Variants in RANBP2 observed in about 807,000 individuals in gnomAD.
RANBP2 encodes the protein E3 SUMO-protein ligase RanBP2.
A neutral mutation model predicts 303.6 loss-of-function variants in RANBP2; 57 were observed. That is an observed-to-expected ratio of 0.19 (90% confidence interval 0.15 to 0.23). The LOEUF (loss-of-function observed/expected upper bound fraction) is 0.23, where lower values mean the gene tolerates loss of function less well. Ranked by LOEUF, RANBP2 falls within the 10% of genes least tolerant of loss-of-function variation. The pLI, the probability that RANBP2 is intolerant of heterozygous loss-of-function variation, is 1.00. For synonymous variants in RANBP2, 1,167 were observed against 1,301.5 expected (o/e 0.90, Z 2.23); for missense variants, 3,138 against 3,780.8 (o/e 0.83, Z 4.46).
the RANBP2 span, among the ~76,000 whole-genome samples, chr2:109,626,029 T>A: frequency 6.6e-6 from 1 of 152,214 alleles, no homozygotes; most frequent in African/African-American, 2.4e-5. Context: ...TATATTTGTC[T>A]ACTACATTTT....
the RANBP2 span, among the ~76,000 whole-genome samples, chr2:109,487,923 C>T: frequency 0.14 from 21,907 of 152,294 alleles, 2,064 homozygotes; most frequent in Admixed American, 0.27. Context: ...GACCCCTGTA[C>T]TTCCAAAGCT....
At chr2:109,247,945 G>T in the RANBP2 span, among the ~76,000 whole-genome samples, 1 of 152,140 alleles carries the variant, frequency 6.6e-6, no homozygotes, top group Admixed American at 6.6e-5. Flanking sequence ...ACTCCAACGT[G>T]CAAGCGCTTT....
chr2:109,405,034 C>G, the RANBP2 span, among the ~76,000 whole-genome samples: 1 of 149,618 alleles, frequency 6.7e-6, no homozygotes, highest in Non-Finnish European at 1.5e-5. Flanking sequence ...CCCTACATCT[C>G]TAGCCCCTAC....
At chr2:109,306,837 G>A in the RANBP2 span, among the ~76,000 whole-genome samples, 2 of 152,212 alleles carry the variant, frequency 1.3e-5, no homozygotes, top group Non-Finnish European at 2.9e-5. Context: ...TCTGGTCGAC[G>A]TGTATGTTGA....
At chr2:108,948,632 TG>T in the RANBP2 span, among the ~76,000 whole-genome samples, 469 of 149,558 alleles carry the variant, frequency 3.1e-3, 2 homozygotes, top group African/African-American at 0.011. Flanking sequence ...AGAGAGAGAG[TG>T]AAGTGGGGAG....
At chr2:108,719,886 C>T (rs1290787337) in intron 1 of RANBP2, among the ~76,000 whole-genome samples, 1 of 152,046 alleles carries the variant, frequency 6.6e-6, no homozygotes, top group Non-Finnish European at 1.5e-5. Context: ...CCTTTGGCGC[C>T]GGCGCTTCCT....
the RANBP2 span, chr2:108,930,242 C>A: frequency 8.1e-6 from 13 of 1,614,102 alleles, no homozygotes; most frequent in South Asian, 7.7e-5. Context: ...ATCAGAGACA[C>A]CTGCCAACAA....
the RANBP2 span, among the ~76,000 whole-genome samples, chr2:109,119,267 C>T: frequency 6.6e-6 from 1 of 152,152 alleles, no homozygotes; most frequent in Non-Finnish European, 1.5e-5. Flanking sequence ...ATTCACAATC[C>T]ATATCTCTCT....
the RANBP2 span, among the ~76,000 whole-genome samples, chr2:109,041,685 CTTTTTTTTTTTT>C: frequency 8.5e-5 from 7 of 82,056 alleles, no homozygotes; most frequent in African/African-American, 2.8e-4. Context: ...CCATGCCCGG[CTTTTTTTTTTTT>C]TTTTTTTTTT....
chr2:108,939,679 G>A, the RANBP2 span, among the ~76,000 whole-genome samples: 2 of 152,204 alleles, frequency 1.3e-5, no homozygotes, highest in Admixed American at 6.5e-5. Context: ...AGCAATAGAT[G>A]AATGAGTTAT....
At chr2:109,074,650 A>C in the RANBP2 span, among the ~76,000 whole-genome samples, 1 of 150,306 alleles carries the variant, frequency 6.7e-6, no homozygotes, top group African/African-American at 2.4e-5. Context: ...CAGTGAGCCA[A>C]GATCACACCG....
the RANBP2 span, among the ~76,000 whole-genome samples, chr2:109,582,510 CGAG>C: frequency 6.6e-6 from 1 of 151,958 alleles, no homozygotes; most frequent in Non-Finnish European, 1.5e-5. Flanking sequence ...TTTGTAGAGA[CGAG>C]GTCCCACCAT....
the RANBP2 span, among the ~76,000 whole-genome samples, chr2:108,805,570 A>AG: frequency 1.4e-3 from 9 of 6,634 alleles, no homozygotes; most frequent in South Asian, 0.039. Context: ...CCAAAAATAC[A>AG]AAAAAAAATA....
At chr2:109,607,763 C>T in the RANBP2 span, among the ~76,000 whole-genome samples, 1 of 152,094 alleles carries the variant, frequency 6.6e-6, no homozygotes, top group African/African-American at 2.4e-5. Flanking sequence ...CCCAACCTGC[C>T]CTAAATCAAA....
chr2:109,317,399 T>C, the RANBP2 span, among the ~76,000 whole-genome samples: 4 of 152,062 alleles, frequency 2.6e-5, no homozygotes, highest in South Asian at 4.2e-4. Context: ...TGGGGCTCTT[T>C]TTCCCTGTTA....
chr2:108,922,519 C>T, the RANBP2 span, among the ~76,000 whole-genome samples: 1 of 152,214 alleles, frequency 6.6e-6, no homozygotes, highest in Admixed American at 6.5e-5. Context: ...GATGCTGCGC[C>T]CCATTCCTGC....
chr2:109,528,263 A>G, the RANBP2 span, among the ~76,000 whole-genome samples: 7,252 of 152,234 alleles, frequency 0.048, 575 homozygotes, highest in African/African-American at 0.16. Context: ...TGCCCTGAGT[A>G]CACGCTCCAT....
chr2:109,159,078 C>T, the RANBP2 span, among the ~76,000 whole-genome samples: 19 of 152,326 alleles, frequency 1.2e-4, no homozygotes, highest in Admixed American at 1.0e-3. Context: ...GATCGCACCA[C>T]TGCACTCCAG....
the RANBP2 span, among the ~76,000 whole-genome samples, chr2:109,718,421 G>A: frequency 6.6e-6 from 1 of 152,178 alleles, no homozygotes; most frequent in Non-Finnish European, 1.5e-5. Flanking sequence ...CTACAACATG[G>A]ATGAACTTAG....
Sources: allele counts gnomAD v4.1 joint callset (sites outside exome capture counted in the v4.1 genomes callset), GRCh38; gene constraint gnomAD v4.1.1; transcripts MANE v1.5; gene names NCBI Gene and HGNC (gene_info 2026-07-23, HGNC 2026-07-21).